The following KSR2 variants were observed in gnomAD, a reference collection of about 807,000 sequenced individuals.
The protein encoded by KSR2 is kinase suppressor of ras 2.
KSR2 carries 25 observed loss-of-function variants against 107.8 expected under a neutral mutation model. The observed-to-expected ratio is 0.23, with a 90% CI of 0.17 to 0.32. KSR2 has a LOEUF of 0.32. KSR2 is among the 10% of genes least tolerant of loss of function. KSR2 has a pLI of 1.00. For synonymous variants in KSR2, 480 were observed against 507.0 expected (o/e 0.95, Z 0.71); for missense variants, 887 against 1,268.9 (o/e 0.70, Z 4.57).
chr12:117,582,753 G>A (rs1419314334), intron 5 of KSR2, among the ~76,000 whole-genome samples: 3 of 152,214 alleles, frequency 2.0e-5, no homozygotes, highest in African/African-American at 7.2e-5. Context: ...CTTGGAGAGG[G>A]GAAGTCACTT....
intron 4 of KSR2, among the ~76,000 whole-genome samples, chr12:117,680,612 G>A (rs1467630377): frequency 6.6e-6 from 1 of 152,192 alleles, no homozygotes; most frequent in East Asian, 1.9e-4. Context: ...GAAATTAACT[G>A]TGCTTAGCAA....
intron 4 of KSR2, among the ~76,000 whole-genome samples, chr12:117,706,192 T>A (rs1477422746): frequency 6.6e-6 from 1 of 151,728 alleles, no homozygotes; most frequent in East Asian, 1.9e-4. Context: ...TACAGGTGCA[T>A]GCCACCACAC....
intron 14 of KSR2, among the ~76,000 whole-genome samples, chr12:117,520,120 A>G (rs569752819): frequency 1.3e-4 from 20 of 152,300 alleles, no homozygotes; most frequent in African/African-American, 4.8e-4. Flanking sequence ...TAAGGCGGCC[A>G]TTGGCAAAGA....
At chr12:117,492,724 T>G (rs1190902032) in intron 14 of KSR2, among the ~76,000 whole-genome samples, 2 of 151,984 alleles carry the variant, frequency 1.3e-5, no homozygotes, top group African/African-American at 4.8e-5. Flanking sequence ...GCCAGATGGA[T>G]GTAATCGCAG....
chr12:117,841,075 C>T (rs999835167), intron 3 of KSR2, among the ~76,000 whole-genome samples: 1 of 151,934 alleles, frequency 6.6e-6, no homozygotes, highest in Non-Finnish European at 1.5e-5. Context: ...TTCTTTTTCT[C>T]TCCCAAACAA....
intron 5 of KSR2, among the ~76,000 whole-genome samples, chr12:117,595,916 G>A (rs956228171): frequency 7.2e-5 from 11 of 152,274 alleles, no homozygotes; most frequent in African/African-American, 2.6e-4. Flanking sequence ...CCAAGGCTTG[G>A]TAAGGCCACA....
chr12:117,581,504 C>G (rs990557033), intron 6 of KSR2, among the ~76,000 whole-genome samples: 1 of 152,206 alleles, frequency 6.6e-6, no homozygotes, highest in Non-Finnish European at 1.5e-5. Flanking sequence ...AGTACTGAGG[C>G]TAATTAGCTT....
chr12:117,839,465 G>A (rs1892374926), intron 3 of KSR2, among the ~76,000 whole-genome samples: 3 of 152,188 alleles, frequency 2.0e-5, no homozygotes, highest in Non-Finnish European at 2.9e-5. Context: ...CCTGTCTCAT[G>A]GGGATATCTG....
chr12:117,854,666 C>T (rs965604724), intron 3 of KSR2, among the ~76,000 whole-genome samples: 6 of 152,132 alleles, frequency 3.9e-5, no homozygotes, highest in African/African-American at 7.2e-5. Flanking sequence ...ATGTGCAGAG[C>T]GGATCCCTTG....
chr12:117,552,117 A>G (rs1229007472), intron 9 of KSR2, among the ~76,000 whole-genome samples: 2 of 152,232 alleles, frequency 1.3e-5, no homozygotes, highest in African/African-American at 4.8e-5. Flanking sequence ...CTAGAGACCT[A>G]TATCTTTTGC....
intron 5 of KSR2, among the ~76,000 whole-genome samples, chr12:117,620,803 A>T (rs1019727662): frequency 1.4e-4 from 22 of 152,292 alleles, no homozygotes; most frequent in Admixed American, 1.4e-3. Context: ...ATTCCTAGTT[A>T]TCATGACTTA....
At chr12:117,764,546 T>C (rs980145671) in intron 3 of KSR2, among the ~76,000 whole-genome samples, 1 of 152,166 alleles carries the variant, frequency 6.6e-6, no homozygotes, top group African/African-American at 2.4e-5. Flanking sequence ...TTTGCCATCA[T>C]AGATCATTCA....
At position 117,750,460 on chromosome 12, in the gene KSR2, A is replaced by T. The variant is rs142612059; in HGVS notation, c.986+10551T>A. Among the ~76,000 whole-genome samples the T allele has an allele frequency of 9.2e-5, 14 of 152,234 alleles. No homozygotes were observed. The East Asian group carries it at 2.3e-3, about 25-fold the overall frequency. ...CAACATGAATTGGTGACAAATCTAC[A>T]TTATAAGATTTTTATTTTTTAATTT... On this transcript the variant is annotated intron_variant, in intron 4 of 19. Coordinates refer to ENST00000339824, the MANE Select transcript of KSR2 (RefSeq NM_173598.6).
At chr12:117,720,900 G>A (rs1887181480) in intron 4 of KSR2, among the ~76,000 whole-genome samples, 1 of 152,200 alleles carries the variant, frequency 6.6e-6, no homozygotes, top group South Asian at 2.1e-4. Flanking sequence ...CAAAGTCCCT[G>A]AGGCAGGAGG....
At chr12:117,665,662 A>G (rs1433808047) in intron 5 of KSR2, among the ~76,000 whole-genome samples, 1 of 152,224 alleles carries the variant, frequency 6.6e-6, no homozygotes, top group Admixed American at 6.5e-5. Context: ...CATAAAAGCC[A>G]CCATTTATTA....
rs59662300 is a variant in KSR2, at chr12:117,956,249, CAAAAAAAAAAAA to C, written c.180+11815_180+11826del. Among the ~76,000 whole-genome samples, 142 of 47,518 alleles carry C rather than the reference CAAAAAAAAAAAA, an allele frequency of 3.0e-3. 1 individual carries two copies. Among genetic ancestry groups the C allele is most frequent in the African/African-American group, 0.011 (134 of 12,470 alleles). The allele number at this position is 47,518 out of a possible 152,430, so 31.2% of individuals were successfully genotyped here. On this transcript the variant is annotated intron_variant, in intron 1 of 19. Coordinates refer to ENST00000339824, the MANE Select transcript of KSR2 (RefSeq NM_173598.6). ...TGGGCGACAGAGCAAGACTCTGTCT[CAAAAAAAAAAAA>C]AAAAAAAAAAAAAAAAATTATCAAG...
intron 14 of KSR2, chr12:117,517,826 C>G (rs189721573): frequency 4.4e-6 from 2 of 455,770 alleles, no homozygotes; most frequent in African/African-American, 2.0e-5. Context: ...AACTCCTGTA[C>G]GTTATATTTA....
At chr12:117,506,524 A>C (rs1873689624) in intron 14 of KSR2, among the ~76,000 whole-genome samples, 1 of 152,196 alleles carries the variant, frequency 6.6e-6, no homozygotes, top group South Asian at 2.1e-4. Context: ...GAGAAATAAA[A>C]TCCCCTGGGT....
chr12:117,805,841 G>GT (rs1452008383), intron 3 of KSR2, among the ~76,000 whole-genome samples: 1 of 152,178 alleles, frequency 6.6e-6, no homozygotes, highest in African/African-American at 2.4e-5. Context: ...AATTAGCCAG[G>GT]TGTGGGGGTG....
Sources: allele counts gnomAD v4.1 joint callset (sites outside exome capture counted in the v4.1 genomes callset), GRCh38; gene constraint gnomAD v4.1.1; transcripts MANE v1.5; gene names NCBI Gene and HGNC (gene_info 2026-07-23, HGNC 2026-07-21).